ALLC: variants seen among roughly 807,000 people sequenced by gnomAD.
The protein encoded by ALLC is allantoicase, also known as probable inactive allantoicase.
Under a neutral mutation model 45.0 loss-of-function variants are expected in ALLC, and 40 were observed. That is an observed-to-expected ratio of 0.89 (90% CI 0.69 to 1.16). The LOEUF (loss-of-function observed/expected upper bound fraction) is 1.16. ALLC is among the 50% of genes most tolerant of loss of function. The pLI, the probability that ALLC is intolerant of heterozygous loss-of-function variation, is 0.00. For synonymous variants in ALLC, 176 were observed against 178.1 expected (o/e 0.99, Z 0.09); for missense variants, 488 against 493.1 (o/e 0.99, Z 0.10).
chr2:3,657,874 G>C (rs983000375), upstream of ALLC, among the ~76,000 whole-genome samples: 5 of 152,222 alleles, frequency 3.3e-5, no homozygotes, highest in African/African-American at 1.2e-4. Flanking sequence ...GGTGTGCTCA[G>C]TGTTTTCTGA....
In ALLC at chr2:3,679,904, G is replaced by C; in HGVS notation, c.208G>C (p.Gly70Arg). The part of the protein sequence containing the change: ...DWCVLRLGIQ[G>R]VIRGFDVDVS... ...GTGTGTCCTCAGGCTGGGGATCCAAGGAGTCATCCGGGGCTTCGACGTGGA... is the reference window on the plus strand; with the variant it reads ...GTGTGTCCTCAGGCTGGGGATCCAACGAGTCATCCGGGGCTTCGACGTGGA... The change falls in exon 5 of 12, where the codon GGA becomes CGA. Residue 70 changes from glycine (G) to arginine (R), a missense_variant. Gly to Arg is a moderately radical substitution (Grantham distance 125, BLOSUM62 -2). Coordinates refer to ENST00000252505, the MANE Select transcript of ALLC (RefSeq NM_018436.4). The C allele has an allele frequency of 6.2e-7, 1 of 1,613,998 alleles. No homozygotes were observed. Among genetic ancestry groups the C allele is most frequent in the Admixed American group, 1.7e-5 (1 of 60,026 alleles).
intron 7 of ALLC, among the ~76,000 whole-genome samples, chr2:3,690,579 T>A (rs1407417650): frequency 6.6e-6 from 1 of 151,092 alleles, no homozygotes; most frequent in East Asian, 2.0e-4. Flanking sequence ...GTGGTTACCA[T>A]GAGGCTTATA....
chr2:3,653,864 C>T (rs1020047003), upstream of ALLC, among the ~76,000 whole-genome samples: 7 of 152,218 alleles, frequency 4.6e-5, no homozygotes, highest in Non-Finnish European at 1.0e-4. This position sits in a 1 kb window ranked among gnomAD's most constrained non-coding sequence, Gnocchi z 4.1. Context: ...AAGCCTTTCT[C>T]ATCCCTCATC....
chr2:3,697,884 C>T (rs375267444), intron 10 of ALLC, among the ~76,000 whole-genome samples: 14 of 151,184 alleles, frequency 9.3e-5, no homozygotes, highest in East Asian at 5.9e-4. Context: ...AGGCTGGTCT[C>T]GAACTCCTGA....
chr2:3,694,004 G>GA (rs1303090472), intron 7 of ALLC, among the ~76,000 whole-genome samples: 75 of 151,198 alleles, frequency 5.0e-4, no homozygotes, highest in Admixed American at 9.2e-4. Flanking sequence ...GAAAACAAAA[G>GA]AAAAAAAACA....
intron 7 of ALLC, among the ~76,000 whole-genome samples, chr2:3,689,169 A>G (rs2148013774): frequency 6.6e-6 from 1 of 150,908 alleles, no homozygotes; most frequent in East Asian, 2.0e-4. Flanking sequence ...TAAAAAAACA[A>G]GTTTTTTGTT....
the ALLC span, among the ~76,000 whole-genome samples, chr2:3,648,020 G>A: frequency 6.6e-6 from 1 of 152,186 alleles, no homozygotes; most frequent in African/African-American, 2.4e-5. Flanking sequence ...CTCTGCTGAT[G>A]ATGGTGCAGT....
At chr2:3,650,419 C>G in the ALLC span, among the ~76,000 whole-genome samples, 1 of 152,192 alleles carries the variant, frequency 6.6e-6, no homozygotes, top group East Asian at 1.9e-4. Context: ...AGGACTGATG[C>G]TGAGCGCTGT....
Position 3,680,631 on chromosome 2 carries a change from G to A in ALLC, c.298+637G>A, listed in dbSNP as rs181282909. Among the ~76,000 whole-genome samples the A allele has an allele frequency of 2.6e-5, 4 of 152,324 alleles. No homozygotes were observed. The highest frequency in any genetic ancestry group is 7.2e-5 in the African/African-American group (3 of 41,582). ...ATTGGGGGAACTTACGGACAGAAGCGTGGCCTTGGGCAGCAGCGAGATGGG... is the reference window on the plus strand; with the variant it reads ...ATTGGGGGAACTTACGGACAGAAGCATGGCCTTGGGCAGCAGCGAGATGGG... On this transcript the variant is annotated intron_variant, in intron 5 of 11. Coordinates refer to ENST00000252505, the MANE Select transcript of ALLC (RefSeq NM_018436.4). This position sits in a 1 kb window ranked among gnomAD's most constrained non-coding sequence, Gnocchi z 4.0.
At chr2:3,658,514 C>T (rs1216696767) in intron 1 of ALLC, among the ~76,000 whole-genome samples, 1 of 152,166 alleles carries the variant, frequency 6.6e-6, no homozygotes, top group Non-Finnish European at 1.5e-5. Flanking sequence ...GGTCAGGCTT[C>T]TGGGCTCTGG....
intron 2 of ALLC, among the ~76,000 whole-genome samples, chr2:3,671,526 GGAGGTCCTCTGGCTCTGGTTAGATA>G (rs1183391600): frequency 5.9e-5 from 9 of 151,504 alleles, no homozygotes; most frequent in Non-Finnish European, 7.4e-5. Flanking sequence ...TGGTTAGATA[GGAGGTCCTCTGGCTCTGGTTAGATA>G]GGAGGTCCTC....
intron 5 of ALLC, among the ~76,000 whole-genome samples, chr2:3,681,310 T>A (rs1454708917): frequency 6.6e-6 from 1 of 152,228 alleles, no homozygotes; most frequent in Non-Finnish European, 1.5e-5. Flanking sequence ...GTGGTGTTTC[T>A]GGAATTGACC....
chr2:3,684,793 T>C (rs1015136214), intron 7 of ALLC, among the ~76,000 whole-genome samples: 2 of 152,166 alleles, frequency 1.3e-5, no homozygotes, highest in African/African-American at 2.4e-5. Context: ...TTTTCTTTTT[T>C]AAAATATTTT....
chr2:3,681,326 A>G (rs187388557), intron 5 of ALLC, among the ~76,000 whole-genome samples: 5 of 152,288 alleles, frequency 3.3e-5, no homozygotes, highest in Admixed American at 6.5e-5. Flanking sequence ...TGACCTTGTA[A>G]TAGTCCAACT....
chr2:3,681,066 G>A (rs1558541368), intron 5 of ALLC, among the ~76,000 whole-genome samples: 1 of 152,194 alleles, frequency 6.6e-6, no homozygotes, highest in Non-Finnish European at 1.5e-5. Flanking sequence ...AGTTTACACT[G>A]AACATGCTAT....
At chr2:3,662,498 G>A (rs557767712) in intron 1 of ALLC, among the ~76,000 whole-genome samples, 13 of 152,348 alleles carry the variant, frequency 8.5e-5, no homozygotes, top group Admixed American at 4.6e-4. Context: ...GGATGCTTTA[G>A]GAATTAGTGG....
At chr2:3,654,634 A>G (rs1666402402), upstream of ALLC, among the ~76,000 whole-genome samples, 1 of 152,248 alleles carries the variant, frequency 6.6e-6, no homozygotes, top group African/African-American at 2.4e-5. Context: ...CGAGCCAGAC[A>G]CTGCCAGAAG....
chr2:3,652,658 C>T, the ALLC span, among the ~76,000 whole-genome samples: 1,102 of 137,940 alleles, frequency 8.0e-3, 9 homozygotes, highest in African/African-American at 0.028. Context: ...GGCGTGATCT[C>T]GGCTCACTGC....
the ALLC span, among the ~76,000 whole-genome samples, chr2:3,649,986 C>CT: frequency 1.2e-4 from 19 of 152,384 alleles, no homozygotes; most frequent in African/African-American, 4.3e-4. Flanking sequence ...TCAGCAGCGT[C>CT]TAAGACGTTT....
Sources: allele counts gnomAD v4.1 joint callset (sites outside exome capture counted in the v4.1 genomes callset), GRCh38; gene constraint gnomAD v4.1.1; non-coding constraint Gnocchi (gnomAD v3.1); transcripts MANE v1.5; gene names NCBI Gene and HGNC (gene_info 2026-07-23, HGNC 2026-07-21).